Variants in MAPRE2 observed in about 807,000 individuals in gnomAD.
The protein encoded by MAPRE2 is microtubule-associated protein RP/EB family member 2.
Under a neutral mutation model 43.2 loss-of-function variants are expected in MAPRE2, and 13 were observed. That is an observed-to-expected ratio of 0.30 (90% confidence interval 0.20 to 0.48). The LOEUF is 0.48. MAPRE2 is among the 20% of genes least tolerant of loss of function. MAPRE2 has a pLI of 0.99. For synonymous variants in MAPRE2, 135 were observed against 148.8 expected, an observed-to-expected ratio of 0.91 and a Z score of 0.68; for missense variants, 161 against 400.2, an observed-to-expected ratio of 0.40 and a Z score of 5.10.
intron 1 of MAPRE2, among the ~76,000 whole-genome samples, chr18:34,980,387 G>T (rs746630833): frequency 6.6e-6 from 1 of 152,022 alleles, no homozygotes; most frequent in East Asian, 1.9e-4. Context: ...ATTTTTGGCC[G>T]TTGAACTTTA....
intron 1 of MAPRE2, among the ~76,000 whole-genome samples, chr18:34,992,833 A>G (rs1366250744): frequency 6.6e-6 from 1 of 152,172 alleles, no homozygotes. Context: ...GATCAGACAC[A>G]TTTTAAAAAG....
At chr18:34,977,985 A>G (rs967419633) in intron 1 of MAPRE2, among the ~76,000 whole-genome samples, 8 of 152,196 alleles carry the variant, frequency 5.3e-5, no homozygotes, top group Admixed American at 2.0e-4. Context: ...GACTTCGTCA[A>G]TACAGTGCCA....
intron 4 of MAPRE2, 22 bp from the exon 5 acceptor site, chr18:35,126,926 C>G (rs1184716152): frequency 2.2e-5 from 35 of 1,610,254 alleles, no homozygotes; most frequent in Non-Finnish European, 2.9e-5. Flanking sequence ...CAGTATTTAT[C>G]ATTTATTCTG....
intron 4 of MAPRE2, among the ~76,000 whole-genome samples, chr18:35,104,605 G>A (rs1241311615): frequency 6.6e-6 from 1 of 152,116 alleles, no homozygotes; most frequent in Non-Finnish European, 1.5e-5. Flanking sequence ...CATAGATAAA[G>A]TGTTAGAAAG....
intron 1 of MAPRE2, among the ~76,000 whole-genome samples, chr18:34,999,733 G>T (rs1473286311): frequency 6.6e-6 from 1 of 152,178 alleles, no homozygotes; most frequent in Non-Finnish European, 1.5e-5. Context: ...AGAATGAGTT[G>T]TACCAGACTT....
At chr18:35,081,697 G>A (rs1907638843) in intron 2 of MAPRE2, among the ~76,000 whole-genome samples, 1 of 152,134 alleles carries the variant, frequency 6.6e-6, no homozygotes, top group Non-Finnish European at 1.5e-5. Context: ...GAAGAATCCT[G>A]GAGCTTCTAG....
At chr18:35,040,535 T>C (rs2097053112), upstream of MAPRE2, among the ~76,000 whole-genome samples, 1 of 152,378 alleles carries the variant, frequency 6.6e-6, no homozygotes, top group South Asian at 2.1e-4. Context: ...ATAATAATAG[T>C]ATCTGTCACA....
intron 2 of MAPRE2, among the ~76,000 whole-genome samples, chr18:35,022,626 C>G (rs1303823889): frequency 6.6e-6 from 1 of 152,140 alleles, no homozygotes; most frequent in Non-Finnish European, 1.5e-5. Flanking sequence ...GGTAATACCA[C>G]TTGATTCTGG....
intron 1 of MAPRE2, chr18:34,988,654 G>C (rs2097022246): frequency 6.6e-6 from 1 of 152,096 alleles, no homozygotes; most frequent in Non-Finnish European, 1.5e-5. Context: ...GAAGAAGGGT[G>C]ATCTACACAC....
chr18:35,095,208 C>G (rs1468221953), intron 2 of MAPRE2, among the ~76,000 whole-genome samples: 2 of 151,680 alleles, frequency 1.3e-5, no homozygotes, highest in African/African-American at 4.8e-5. Flanking sequence ...AGTTGATAAG[C>G]AAGATATAAA....
intron 1 of MAPRE2, among the ~76,000 whole-genome samples, chr18:35,051,134 C>T (rs1359723930): frequency 6.6e-6 from 1 of 152,076 alleles, no homozygotes; most frequent in African/African-American, 2.4e-5. Flanking sequence ...ACATGCCAGC[C>T]TCTAGAGAGA....
chr18:34,985,221 TATA>T (rs1432820158), intron 1 of MAPRE2, among the ~76,000 whole-genome samples: 10 of 65,456 alleles, frequency 1.5e-4, no homozygotes, highest in African/African-American at 4.9e-4. Context: ...AAATAAAATA[TATA>T]ATATTATATA....
intron 2 of MAPRE2, among the ~76,000 whole-genome samples, chr18:35,079,978 T>G (rs1182990277): frequency 6.6e-6 from 1 of 152,242 alleles, no homozygotes; most frequent in Non-Finnish European, 1.5e-5. Context: ...ACAGTAATAC[T>G]TCAAGTAATA....
At chr18:34,999,785 A>G (rs1024667867) in intron 1 of MAPRE2, among the ~76,000 whole-genome samples, 4 of 152,136 alleles carry the variant, frequency 2.6e-5, no homozygotes, top group African/African-American at 7.2e-5. Flanking sequence ...TACTTGCCAG[A>G]TACGCTCATT....
chr18:35,024,024 G>A (rs1048207895), intron 2 of MAPRE2, among the ~76,000 whole-genome samples: 22 of 152,084 alleles, frequency 1.4e-4, no homozygotes, highest in South Asian at 2.1e-4. Flanking sequence ...AAGAACCACC[G>A]TAGGGCACAG....
chr18:35,018,169 G>A (rs200962794), intron 2 of MAPRE2, among the ~76,000 whole-genome samples: 2 of 151,828 alleles, frequency 1.3e-5, no homozygotes, highest in South Asian at 4.1e-4. Context: ...CTACTTGATC[G>A]TGGTGGGTTA....
At chr18:34,996,138 T>C (rs1255380806) in intron 1 of MAPRE2, among the ~76,000 whole-genome samples, 1 of 152,188 alleles carries the variant, frequency 6.6e-6, no homozygotes, top group Non-Finnish European at 1.5e-5. Flanking sequence ...CAGGAATTTT[T>C]CCACCCCTGC....
At chr18:34,989,137 G>A (rs537289877) in intron 1 of MAPRE2, among the ~76,000 whole-genome samples, 1 of 152,220 alleles carries the variant, frequency 6.6e-6, no homozygotes, top group South Asian at 2.1e-4. Context: ...AACCAAAAAA[G>A]GAAGGAGGGG....
At chr18:35,123,157 G>A (rs542980323) in intron 4 of MAPRE2, among the ~76,000 whole-genome samples, 1 of 151,972 alleles carries the variant, frequency 6.6e-6, no homozygotes, top group South Asian at 2.1e-4. Context: ...TTGCCCAGGG[G>A]TTTGGCTTGC....
Sources: allele counts gnomAD v4.1 joint callset (sites outside exome capture counted in the v4.1 genomes callset), GRCh38; gene constraint gnomAD v4.1.1; transcripts MANE v1.5; gene names NCBI Gene and HGNC (gene_info 2026-07-23, HGNC 2026-07-21).